SSBP4: variants seen among roughly 807,000 people sequenced by gnomAD.
SSBP4 encodes the protein single-stranded DNA-binding protein 4.
Under a neutral mutation model 64.6 loss-of-function variants are expected in SSBP4, and 33 were observed. The ratio of observed to expected loss-of-function variants is 0.51; its 90% CI spans 0.39 to 0.68. The LOEUF is 0.68. Ranked by LOEUF, SSBP4 falls within the 30% of genes least tolerant of loss-of-function variation. The pLI, the probability that SSBP4 is intolerant of heterozygous loss-of-function variation, is 0.00. For missense variants in SSBP4, 583 were observed against 566.8 expected (o/e 1.03, Z -0.29); for synonymous variants, 243 against 224.0 (o/e 1.08, Z -0.76).
At chr19:18,403,711 C>A in the SSBP4 span, among the ~76,000 whole-genome samples, 1 of 117,658 alleles carries the variant, frequency 8.5e-6, no homozygotes, top group South Asian at 2.9e-4. Context: ...GTCCTGAGGT[C>A]TGGGGGTCTT....
At chr19:18,404,884 T>C in the SSBP4 span, among the ~76,000 whole-genome samples, 4 of 94,598 alleles carry the variant, frequency 4.2e-5, no homozygotes, top group Admixed American at 4.3e-4. Context: ...AGAGCGAGAC[T>C]CCATCTCAAA....
At position 18,430,933 on chromosome 19, in the gene SSBP4, A is replaced by G; in HGVS notation, c.369+3A>G. ...CCATGGCGGCTGGCTTCTTCCAGGT[A>G]TGGCCCCGGCTGGAGTCCACTGGCC... On this transcript the variant is annotated splice_donor_region_variant and intron_variant, in intron 5 of 17. Transcript: ENST00000270061. The G allele has an allele frequency of 6.2e-7, 1 of 1,611,568 alleles. No homozygotes were observed. Among genetic ancestry groups the G allele is most frequent in the Non-Finnish European group, 8.5e-7 (1 of 1,179,772 alleles).
Position 18,431,632 on chromosome 19 carries a change from G to T in SSBP4, c.436-15G>T. The T allele has an allele frequency of 6.5e-7, 1 of 1,541,444 alleles. No individual in the cohort carries two copies. Among genetic ancestry groups the T allele is most frequent in the Non-Finnish European group, 8.8e-7 (1 of 1,141,004 alleles). On this transcript the variant is annotated splice_polypyrimidine_tract_variant and intron_variant, in intron 6 of 17. Coordinates refer to ENST00000270061, the MANE Select transcript of SSBP4 (RefSeq NM_032627.5). ...AGGGTGGGGGAAGGTGCTGATCCCC[G>T]CCCACCTCTTCCAGCCCTTCATGTC...
At chr19:18,410,016 C>T in the SSBP4 span, among the ~76,000 whole-genome samples, 19 of 152,054 alleles carry the variant, frequency 1.2e-4, no homozygotes, top group Admixed American at 7.9e-4. Flanking sequence ...TTTTTGGAGA[C>T]GGAGTCTCGC....
At chr19:18,415,566 G>A (rs1332921539), upstream of SSBP4, among the ~76,000 whole-genome samples, 1 of 152,146 alleles carries the variant, frequency 6.6e-6, no homozygotes, top group African/African-American at 2.4e-5. Flanking sequence ...GCCCAGGGAA[G>A]GCTTGGAGGA....
chr19:18,425,732 C>T (rs1167353843), intron 1 of SSBP4, among the ~76,000 whole-genome samples: 2 of 152,080 alleles, frequency 1.3e-5, no homozygotes, highest in South Asian at 2.1e-4. Context: ...GACCATTGGG[C>T]GCTGTGTGTC....
In SSBP4 at chr19:18,426,258, C is replaced by CT. The variant is rs1373978184; in HGVS notation, c.60-1093_60-1092insT. 6.6e-6 allele frequency among the ~76,000 whole-genome samples: 1 copy of CT among 152,152 alleles called. No individual in the cohort carries two copies. Among genetic ancestry groups the CT allele is most frequent in the African/African-American group, 2.4e-5 (1 of 41,422 alleles). ...GGTTATTTTAGGATGGGGCCCGCAG[C>CT]CAGAGAGGGCGGCGCAGCTGAGCTG... is the stretch of plus-strand genomic sequence containing the variant. On this transcript the variant is annotated intron_variant, in intron 1 of 17. Coordinates refer to ENST00000270061, the MANE Select transcript of SSBP4 (RefSeq NM_032627.5). This position sits in a 1 kb window ranked among gnomAD's most constrained non-coding sequence, Gnocchi z 4.5.
rs1451977824 is a variant in SSBP4 at position 18,431,663 on chromosome 19, G to A, written c.452G>A (p.Arg151His). Reference protein sequence around the residue: ...GPHGQPFMSPRFPGGPRPTLR... With the variant: ...GPHGQPFMSPHFPGGPRPTLR... ...CTCTTCCAGCCCTTCATGTCACCGCGCTTCCCAGGGGGCCCCCGGCCCACC... is the reference window on the plus strand; with the variant it reads ...CTCTTCCAGCCCTTCATGTCACCGCACTTCCCAGGGGGCCCCCGGCCCACC... Residue 151 changes from arginine (R) to histidine (H), a missense_variant, in exon 7 of 18, where the codon CGC (arginine) becomes CAC (histidine). Physicochemically the swap from Arg to His is conservative, Grantham distance 29 (BLOSUM62 0). Transcript: ENST00000270061. 5.2e-6 allele frequency: 8 copies of A among 1,552,308 alleles called. No individual in the cohort carries two copies. The highest frequency in any genetic ancestry group is 6.1e-6 in the Non-Finnish European group (7 of 1,148,466).
intron 5 of SSBP4, 94 bp downstream of exon 5, chr19:18,431,024 C>T (rs1468954451): frequency 5.4e-5 from 78 of 1,434,706 alleles, no homozygotes; most frequent in South Asian, 3.5e-4. Flanking sequence ...GTCATGAGGC[C>T]GGCAGGCTGG....
chr19:18,428,056 T>TGGGGGGCTGGGGTGGTGGGGG, intron 4 of SSBP4, 74 bp downstream of exon 4: 1 of 444,262 alleles, frequency 2.3e-6, no homozygotes, highest in Non-Finnish European at 3.7e-6. Context: ...GGAGGTGGGG[T>TGGGGGGCTGGGGTGGTGGGGG]GGGGGGCTGC....
upstream of SSBP4, chr19:18,419,057 G>A (rs1972240946): frequency 1.0e-6 from 1 of 985,638 alleles, no homozygotes; most frequent in Non-Finnish European, 1.2e-6. Flanking sequence ...CAGCAGCGGG[G>A]TACACTTTTG....
upstream of SSBP4, chr19:18,418,773 G>A (rs1568340512): frequency 6.0e-6 from 1 of 166,620 alleles, no homozygotes; most frequent in Non-Finnish European, 1.2e-5. The surrounding 1 kb of genome is among the most constrained non-coding windows in gnomAD (Gnocchi z 6.7). Context: ...GGGTGACTGT[G>A]AGTTAACTCC....
chr19:18,431,952 C>T (rs757139976), intron 8 of SSBP4, 48 bp from the exon 9 acceptor site: 1 of 1,555,974 alleles, frequency 6.4e-7, no homozygotes. Context: ...ACTGTCCACA[C>T]TGGGGAATGG....
In SSBP4 at chr19:18,431,854, G is replaced by T; in HGVS notation, c.557G>T (p.Arg186Leu). Residue 186 changes from arginine to leucine, a missense_variant, in exon 8 of 18, where the codon CGA (arginine) becomes CTA (leucine). Around this residue, in one of 5 missense-constraint regions of SSBP4, gnomAD observed 444 missense variants for 386.6 expected, o/e 1.15. Transcript: ENST00000270061. ...CCTGGCGCCATGGAGCCCTCCCCAC[G>T]AGCCCAGGGTGAGTAGGGAAGCTCC... is the stretch of plus-strand genomic sequence containing the variant. ...LLPGAMEPSP[R>L]AQGHPSMGGP... 1 of 1,571,980 alleles carries T rather than the reference G, an allele frequency of 6.4e-7. No individual in the cohort carries two copies. The highest frequency in any genetic ancestry group is 8.6e-7 in the Non-Finnish European group (1 of 1,157,496).
At chr19:18,428,833 C>T (rs1393115492) in intron 4 of SSBP4, among the ~76,000 whole-genome samples, 2 of 152,220 alleles carry the variant, frequency 1.3e-5, no homozygotes, top group Non-Finnish European at 2.9e-5. Flanking sequence ...CTGCTGTTCA[C>T]CCCCATGGTG....
rs1206573543 is a variant in SSBP4, at chr19:18,427,038, C to T, written c.60-313C>T. 3.9e-5 allele frequency among the ~76,000 whole-genome samples: 6 copies of T among 152,070 alleles called. No individual in the cohort carries two copies. Among genetic ancestry groups the T allele is most frequent in the African/African-American group, 1.4e-4 (6 of 41,390 alleles). ...AGTGGTCGTCCCCACCCTGCACACA[C>T]ACAGGAATGACACTCCTCTATGGAG... On this transcript the variant is annotated intron_variant, in intron 1 of 17. Coordinates refer to ENST00000270061, the MANE Select transcript of SSBP4 (RefSeq NM_032627.5). This position sits in a 1 kb window ranked among gnomAD's most constrained non-coding sequence, Gnocchi z 4.4.
rs894769037 is a variant in SSBP4 at position 18,421,531 on chromosome 19, G to A, written c.59+1824G>A. On this transcript the variant is annotated intron_variant, in intron 1 of 17. Coordinates refer to ENST00000270061, the MANE Select transcript of SSBP4 (RefSeq NM_032627.5). ...GCAGTCGGGAAGGCAGGCTCCGGTC[G>A]GGATGGCAGGGTCGGTGGCCCTGAA... is the stretch of plus-strand genomic sequence containing the variant. 7.2e-5 allele frequency among the ~76,000 whole-genome samples: 11 copies of A among 152,284 alleles called. No individual in the cohort carries two copies. The South Asian group carries it at 8.3e-4, about 11-fold the overall frequency.
rs966898667 is a variant in SSBP4, at chr19:18,427,030, T to C, written c.60-321T>C. 6.6e-6 allele frequency among the ~76,000 whole-genome samples: 1 copy of C among 152,030 alleles called. No individual in the cohort carries two copies. Among genetic ancestry groups the C allele is most frequent in the Non-Finnish European group, 1.5e-5 (1 of 67,986 alleles). On this transcript the variant is annotated intron_variant, in intron 1 of 17. Transcript: ENST00000270061. The surrounding 1 kb of genome is among the most constrained non-coding windows in gnomAD (Gnocchi z 4.4). ...GGGTGCCCAGTGGTCGTCCCCACCCTGCACACACACAGGAATGACACTCCT... is the reference window on the plus strand; with the variant it reads ...GGGTGCCCAGTGGTCGTCCCCACCCCGCACACACACAGGAATGACACTCCT...
At position 18,434,498 on chromosome 19, in the gene SSBP4, C is replaced by T. The variant is rs149055028; in HGVS notation, c.*252C>T. On this transcript the variant is annotated 3_prime_UTR_variant, in exon 18 of 18. Coordinates refer to ENST00000270061, the MANE Select transcript of SSBP4 (RefSeq NM_032627.5). ...AGAGAGAAAGGCTCTTTGGGGGGCC[C>T]CTCTCCCCAGGACGTCAGGGGGTGG... 2.4e-3 allele frequency: 1,768 copies of T among 736,652 alleles called. 22 individuals are homozygous for T. In the African/African-American group the frequency reaches 0.029, roughly 12 times the overall value. 45.6% of individuals were successfully genotyped at this position (736,652 alleles called of 1,614,324 possible).
Sources: gnomAD v4.1 joint callset for allele counts (sites outside exome capture counted in the v4.1 genomes callset) on GRCh38, gnomAD v4.1.1 for gene constraint, gnomAD v4.1.1 regional missense constraint, Gnocchi (gnomAD v3.1) non-coding constraint, MANE v1.5 for transcripts, NCBI Gene and HGNC (gene_info 2026-07-23, HGNC 2026-07-21) for gene names.